NSUN6: variants seen among roughly 807,000 people sequenced by gnomAD.
The protein encoded by NSUN6 is NOP2/Sun RNA methyltransferase 6.
NSUN6 carries 64 observed loss-of-function variants against 58.0 expected under a neutral mutation model. That is an observed-to-expected ratio of 1.10 (90% CI 0.90 to 1.36). The LOEUF (loss-of-function observed/expected upper bound fraction) is 1.36, where lower values mean the gene tolerates loss of function less well. Among genes scored for constraint, NSUN6 ranks in the 40% most tolerant of loss-of-function variants. NSUN6 has a pLI of 0.00. For synonymous variants in NSUN6, 231 were observed against 193.9 expected (o/e 1.19, Z -1.59); for missense variants, 701 against 550.1 (o/e 1.27, Z -2.74).
At chr10:18,632,970 G>A (rs1035377697) in intron 3 of NSUN6, among the ~76,000 whole-genome samples, 2 of 151,960 alleles carry the variant, frequency 1.3e-5, no homozygotes, top group Non-Finnish European at 2.9e-5. Flanking sequence ...TGTTTATTCC[G>A]GCATTATTCA....
At chr10:18,640,978 ATGTT>A (rs2059375446) in intron 3 of NSUN6, among the ~76,000 whole-genome samples, 1 of 152,076 alleles carries the variant, frequency 6.6e-6, no homozygotes. Context: ...CAGCTTCCAG[ATGTT>A]TTTTTACATG....
intron 8 of NSUN6, among the ~76,000 whole-genome samples, chr10:18,571,730 ACATTC>A (rs1564739639): frequency 6.7e-6 from 1 of 149,726 alleles, no homozygotes; most frequent in Non-Finnish European, 1.5e-5. Context: ...ATTCCATTCC[ACATTC>A]CATTCCATTC....
chr10:18,654,119 C>G (rs528382797), upstream of NSUN6, among the ~76,000 whole-genome samples: 2 of 151,984 alleles, frequency 1.3e-5, no homozygotes, highest in Admixed American at 1.3e-4. Flanking sequence ...TCACTGCCCT[C>G]GAGTCTCACT....
intron 7 of NSUN6, among the ~76,000 whole-genome samples, chr10:18,594,763 C>T (rs2057519342): frequency 1.3e-5 from 2 of 152,182 alleles, no homozygotes; most frequent in Non-Finnish European, 2.9e-5. Flanking sequence ...TGACTGCCTA[C>T]ATAGCCTCAA....
At chr10:18,635,730 C>T (rs34359432) in intron 3 of NSUN6, among the ~76,000 whole-genome samples, 29,936 of 151,092 alleles carry the variant, frequency 0.2, 3,225 homozygotes, top group South Asian at 0.31. Flanking sequence ...CCCAGCTACT[C>T]GGGAGGCTGA....
At chr10:18,562,434 C>A (rs1023413828) in intron 8 of NSUN6, among the ~76,000 whole-genome samples, 1 of 130,770 alleles carries the variant, frequency 7.6e-6, no homozygotes, top group Non-Finnish European at 1.6e-5. Context: ...GAATGGAATG[C>A]GGAATGGAAT....
intron 3 of NSUN6, among the ~76,000 whole-genome samples, chr10:18,622,609 C>T (rs2058650150): frequency 6.6e-6 from 1 of 152,150 alleles, no homozygotes; most frequent in Non-Finnish European, 1.5e-5. Context: ...AGATAGGAGG[C>T]TGAGGCAGGA....
intron 8 of NSUN6, among the ~76,000 whole-genome samples, chr10:18,581,824 CAA>C (rs1260561447): frequency 1.5e-4 from 16 of 106,606 alleles, no homozygotes; most frequent in Admixed American, 3.0e-4. Flanking sequence ...GATTCCATCT[CAA>C]AAAAAAAAAA....
chr10:18,548,189 T>TGCAC lies in NSUN6; in HGVS notation c.1116_1119dup (p.Thr374ValfsTer9), dbSNP rs759044235. ...TCTTCATTTTCGGCCAGTGTTATAGTGCACGTGCTATAAACCAGCACACCC... is the reference window on the plus strand; with the variant it reads ...TCTTCATTTTCGGCCAGTGTTATAGTGCACGCACGTGCTATAAACCAGCACACCC... On this transcript the variant is annotated frameshift_variant, in exon 10 of 11. Coordinates refer to ENST00000377304, the MANE Select transcript of NSUN6 (RefSeq NM_182543.5). LOFTEE classifies it high-confidence loss of function. The TGCAC allele has an allele frequency of 1.2e-6, 2 of 1,613,310 alleles. No individual in the cohort carries two copies. The highest frequency in any genetic ancestry group is 4.5e-5 in the East Asian group (2 of 44,852).
At chr10:18,550,791 T>G (rs2133397101) in intron 9 of NSUN6, among the ~76,000 whole-genome samples, 1 of 151,592 alleles carries the variant, frequency 6.6e-6, no homozygotes, top group South Asian at 2.1e-4. Context: ...GTGGCATGAC[T>G]TCAGCTCACT....
At chr10:18,583,806 T>C (rs754137118) in intron 8 of NSUN6, among the ~76,000 whole-genome samples, 7 of 152,212 alleles carry the variant, frequency 4.6e-5, no homozygotes, top group South Asian at 2.1e-4. Context: ...CAGATGAATA[T>C]AGATTATGTA....
At chr10:18,558,438 T>C (rs987309696) in intron 8 of NSUN6, among the ~76,000 whole-genome samples, 2 of 147,068 alleles carry the variant, frequency 1.4e-5, no homozygotes, top group African/African-American at 5.0e-5. Flanking sequence ...GAATGGAGGA[T>C]GGTGTGGAGA....
intron 2 of NSUN6, among the ~76,000 whole-genome samples, chr10:18,644,903 A>G (rs2059498520): frequency 6.6e-6 from 1 of 151,514 alleles, no homozygotes; most frequent in African/African-American, 2.4e-5. Context: ...CACTCCTGTA[A>G]TCCCAGCACT....
chr10:18,638,955 A>AAAC (rs1383124912), intron 3 of NSUN6, among the ~76,000 whole-genome samples: 43 of 150,204 alleles, frequency 2.9e-4, no homozygotes, highest in African/African-American at 2.0e-4. Flanking sequence ...GTTAAAAAAA[A>AAAC]AAAAAAAAAA....
At chr10:18,634,409 A>G (rs1366561496) in intron 3 of NSUN6, among the ~76,000 whole-genome samples, 1 of 152,174 alleles carries the variant, frequency 6.6e-6, no homozygotes, top group Non-Finnish European at 1.5e-5. Context: ...CTTATCTCCT[A>G]TACTATTGAC....
At position 18,548,150 on chromosome 10, in the gene NSUN6, C is replaced by T. The variant is rs377687706; in HGVS notation, c.1159G>A (p.Ala387Thr). 2 of 1,613,802 alleles carry T rather than the reference C, an allele frequency of 1.2e-6. No individual in the cohort carries two copies. Among genetic ancestry groups the T allele is most frequent in the African/African-American group, 2.7e-5 (2 of 75,026 alleles). ...TGAAGGCAAGGAAATTTTGTCAGGG[C>T]CCAGGCAACCTGTTCTTCATTTTCG... ...LAENEEQVAW[A>T]LTKFPCLQLQ... is the part of the protein sequence containing the mutation. The change falls in exon 10 of 11, where the codon GCC (alanine) becomes ACC (threonine). Residue 387 changes from alanine (A) to threonine (T), a missense_variant. Physicochemically the swap from Ala to Thr is moderately conservative, Grantham distance 58. Coordinates refer to ENST00000377304, the MANE Select transcript of NSUN6 (RefSeq NM_182543.5).
chr10:18,629,721 G>A (rs1183887041), intron 3 of NSUN6, among the ~76,000 whole-genome samples: 2 of 150,014 alleles, frequency 1.3e-5, no homozygotes, highest in Non-Finnish European at 3.0e-5. Flanking sequence ...AAATATATAT[G>A]CACCCAATAC....
In NSUN6 at chr10:18,548,186, T is replaced by C. The variant is rs774036962; in HGVS notation, c.1123A>G (p.Ile375Val). The C allele has an allele frequency of 3.0e-5, 49 of 1,613,682 alleles. No individual in the cohort carries two copies. The highest frequency in any genetic ancestry group is 3.7e-5 in the Non-Finnish European group (44 of 1,179,800). ...EGVLVYSTCT[I>V]TLAENEEQVA... ...TGTTCTTCATTTTCGGCCAGTGTTA[T>C]AGTGCACGTGCTATAAACCAGCACA... Residue 375 changes from isoleucine (I) to valine (V), a missense_variant, in exon 10 of 11, where the codon ATA (isoleucine) becomes GTA (valine). Transcript: ENST00000377304.
chr10:18,611,209 A>T (rs534642912), intron 5 of NSUN6, among the ~76,000 whole-genome samples: 130 of 152,070 alleles, frequency 8.5e-4, no homozygotes, highest in African/African-American at 2.8e-3. Context: ...TTTTAAAAAA[A>T]TTTTTTTTAA....
Sources: allele counts gnomAD v4.1 joint callset (sites outside exome capture counted in the v4.1 genomes callset), GRCh38; gene constraint gnomAD v4.1.1; transcripts MANE v1.5; gene names NCBI Gene and HGNC (gene_info 2026-07-23, HGNC 2026-07-21).